The following PDGFB variants were observed in gnomAD, a reference collection of about 807,000 sequenced individuals.
PDGFB encodes platelet-derived growth factor subunit B.
PDGFB carries 6 observed loss-of-function variants against 29.0 expected under a neutral mutation model. The ratio of observed to expected loss-of-function variants is 0.21; its 90% CI spans 0.11 to 0.41. The LOEUF (loss-of-function observed/expected upper bound fraction) is 0.41. Among genes scored for constraint, PDGFB ranks in the 10% least tolerant of loss-of-function variants. PDGFB has a pLI of 1.00. For missense variants in PDGFB, 299 were observed against 341.8 expected, an observed-to-expected ratio of 0.87 and a Z score of 0.99; for synonymous variants, 144 against 140.8, an observed-to-expected ratio of 1.02 and a Z score of -0.16.
intron 1 of PDGFB, among the ~76,000 whole-genome samples, chr22:39,239,133 G>C (rs1932510625): frequency 6.6e-6 from 1 of 152,198 alleles, no homozygotes; most frequent in Non-Finnish European, 1.5e-5. Context: ...GCTGCCAGCA[G>C]ATAATGGGAG....
chr22:39,239,668 C>T (rs915620356), intron 1 of PDGFB, among the ~76,000 whole-genome samples: 7 of 152,194 alleles, frequency 4.6e-5, no homozygotes, highest in African/African-American at 1.4e-4. Context: ...GAGGGCGTGG[C>T]GAGGAGGCAG....
At chr22:39,236,141 C>T (rs1932437378) in intron 1 of PDGFB, among the ~76,000 whole-genome samples, 1 of 152,124 alleles carries the variant, frequency 6.6e-6, no homozygotes, top group Admixed American at 6.5e-5. Context: ...CTGCTTGTCT[C>T]TATGTCTGTC....
chr22:39,226,200 T>C (rs1164521862), intron 5 of PDGFB, among the ~76,000 whole-genome samples: 1 of 152,232 alleles, frequency 6.6e-6, no homozygotes, highest in Non-Finnish European at 1.5e-5. Flanking sequence ...TCTTTGTCAT[T>C]GCCCACTGAC....
At chr22:39,233,234 G>A (rs1456578738) in intron 3 of PDGFB, among the ~76,000 whole-genome samples, 2 of 152,236 alleles carry the variant, frequency 1.3e-5, no homozygotes, top group African/African-American at 4.8e-5. Context: ...AAACCAGAGA[G>A]TGTGGGGGCG....
chr22:39,235,981 AG>A, intron 1 of PDGFB, 107 bp from the exon 2 acceptor site: 1 of 769,026 alleles, frequency 1.3e-6, no homozygotes, highest in Non-Finnish European at 2.2e-6. Flanking sequence ...GAAAGCTCCA[AG>A]GTCACAGGGA....
chr22:39,236,262 C>A (rs1932440221), intron 1 of PDGFB, among the ~76,000 whole-genome samples: 2 of 152,266 alleles, frequency 1.3e-5, no homozygotes, highest in African/African-American at 4.8e-5. Context: ...GCCAATCTAA[C>A]CCCCATTTTA....
intron 5 of PDGFB, among the ~76,000 whole-genome samples, chr22:39,226,254 G>C (rs1254111180): frequency 6.6e-6 from 1 of 152,188 alleles, no homozygotes; most frequent in African/African-American, 2.4e-5. Context: ...GCCTGGAGTT[G>C]GATCTGGTTA....
At chr22:39,234,951 G>C (rs1374029681) in intron 2 of PDGFB, among the ~76,000 whole-genome samples, 3 of 152,182 alleles carry the variant, frequency 2.0e-5, no homozygotes, top group African/African-American at 7.2e-5. Flanking sequence ...GAGACATCGG[G>C]TGGGGGCCCT....
In PDGFB at chr22:39,243,783, C is replaced by T. The variant is rs1932627074; in HGVS notation, c.63+118G>A. On this transcript the variant is annotated intron_variant, in intron 1 of 6. Coordinates refer to ENST00000331163, the MANE Select transcript of PDGFB (RefSeq NM_002608.4). This position sits in a 1 kb window ranked among gnomAD's most constrained non-coding sequence, Gnocchi z 6.4. Reference sequence around the variant, plus strand: ...CCCGAAGAGGTCACCCAGCGCCCGGCGTCAGGCTCGCGGGCTGCAAGGGTC... The same window carrying T: ...CCCGAAGAGGTCACCCAGCGCCCGGTGTCAGGCTCGCGGGCTGCAAGGGTC... 3 of 722,542 alleles carry T rather than the reference C, an allele frequency of 4.2e-6. No individual in the cohort carries two copies. The highest frequency in any genetic ancestry group is 6.7e-6 in the Non-Finnish European group (3 of 450,082). 44.8% of individuals were successfully genotyped at this position (722,542 alleles called of 1,614,324 possible). A position where few individuals can be genotyped will look rare whatever the true frequency, so the allele number is the denominator to read the frequency against.
chr22:39,243,662 G>A lies in PDGFB; in HGVS notation c.63+239C>T, dbSNP rs894659940. 2.6e-5 allele frequency among the ~76,000 whole-genome samples: 4 copies of A among 152,148 alleles called. No homozygotes were observed. Among genetic ancestry groups the A allele is most frequent in the African/African-American group, 9.7e-5 (4 of 41,424 alleles). ...GCCACACACACCCTCCCCCGACACG[G>A]AACGGCTTAGGGAGCCAGATTCGCC... On this transcript the variant is annotated intron_variant, in intron 1 of 6. Transcript: ENST00000331163. This position sits in a 1 kb window ranked among gnomAD's most constrained non-coding sequence, Gnocchi z 6.4.
chr22:39,235,468 C>T (rs534844348), intron 2 of PDGFB, among the ~76,000 whole-genome samples: 1 of 152,300 alleles, frequency 6.6e-6, no homozygotes, highest in East Asian at 1.9e-4. Context: ...TGGCTGGGCC[C>T]ACACCTGGAG....
intron 5 of PDGFB, 84 bp downstream of exon 5, chr22:39,229,999 TC>T: frequency 4.1e-6 from 6 of 1,475,360 alleles, no homozygotes; most frequent in Non-Finnish European, 5.6e-6. Context: ...GCGGGCCTGA[TC>T]CCATTTCCAT....
In PDGFB at chr22:39,243,920, A is replaced by G. The variant is rs1337098480; in HGVS notation, c.44T>C (p.Leu15Pro). The G allele has an allele frequency of 6.2e-7, 1 of 1,606,842 alleles. No homozygotes were observed. ...ACTCACCTCGGCGCTGACCAGACGC[A>G]GGTAGCAGCAGAGAGACAGGAAGAG... The part of the protein sequence containing the change: ...WALFLSLCCY[L>P]RLVSAEGDPI... The change falls in exon 1 of 7, where the codon CTG becomes CCG. Residue 15 changes from leucine (L) to proline (P), a missense_variant. By Grantham distance (98) the Leu-to-Pro change is moderately conservative. Transcript: ENST00000331163. This position sits in a 1 kb window ranked among gnomAD's most constrained non-coding sequence, Gnocchi z 6.4.
chr22:39,230,998 CCT>C (rs1051126145), intron 4 of PDGFB, among the ~76,000 whole-genome samples: 18 of 152,350 alleles, frequency 1.2e-4, no homozygotes, highest in Admixed American at 9.8e-4. Flanking sequence ...TAGAATTTTC[CCT>C]GAGTCCAGTG....
At position 39,231,767 on chromosome 22, in the gene PDGFB, A is replaced by G; in HGVS notation, c.311T>C (p.Phe104Ser). 1 of 1,613,724 alleles carries G rather than the reference A, an allele frequency of 6.2e-7. No homozygotes were observed. The part of the protein sequence containing the change: ...IAECKTRTEV[F>S]EISRRLIDRT... ...GTCTATGAGGCGCCGGGAGATCTCGAACACCTCGGTGCGCGTCTTGCACTC... is the reference window on the plus strand; with the variant it reads ...GTCTATGAGGCGCCGGGAGATCTCGGACACCTCGGTGCGCGTCTTGCACTC... Residue 104 changes from phenylalanine (F) to serine (S), a missense_variant, in exon 4 of 7, where the codon TTC (phenylalanine) becomes TCC (serine). Transcript: ENST00000331163. The surrounding 1 kb of genome is among the most constrained non-coding windows in gnomAD (Gnocchi z 4.3).
chr22:39,234,328 G>A (rs1206793204), intron 2 of PDGFB, among the ~76,000 whole-genome samples: 1 of 152,216 alleles, frequency 6.6e-6, no homozygotes, highest in African/African-American at 2.4e-5. Flanking sequence ...CCTTTCCAGA[G>A]CCCATGGCCA....
intron 5 of PDGFB, among the ~76,000 whole-genome samples, chr22:39,227,838 CAG>C (rs967872640): frequency 6.6e-6 from 1 of 152,198 alleles, no homozygotes; most frequent in African/African-American, 2.4e-5. Context: ...TCCCACCTTA[CAG>C]ACACCAGCTC....
At chr22:39,234,595 C>T (rs1191913089) in intron 2 of PDGFB, among the ~76,000 whole-genome samples, 4 of 152,234 alleles carry the variant, frequency 2.6e-5, no homozygotes, top group South Asian at 4.1e-4. Context: ...AGTCCGCTTC[C>T]GTCCAGCCTG....
intron 1 of PDGFB, among the ~76,000 whole-genome samples, chr22:39,236,356 C>G (rs1932441928): frequency 6.6e-6 from 1 of 152,224 alleles, no homozygotes; most frequent in Non-Finnish European, 1.5e-5. Flanking sequence ...ATGACAGAGC[C>G]TGTACTCCCA....
Sources: gnomAD v4.1 joint callset for allele counts (sites outside exome capture counted in the v4.1 genomes callset) on GRCh38, gnomAD v4.1.1 for gene constraint, Gnocchi (gnomAD v3.1) non-coding constraint, MANE v1.5 for transcripts, NCBI Gene and HGNC (gene_info 2026-07-23, HGNC 2026-07-21) for gene names.